KLHL25: variants seen among roughly 807,000 people sequenced by gnomAD.
The protein encoded by KLHL25 is kelch like family member 25.
Under a neutral mutation model 30.0 loss-of-function variants are expected in KLHL25, and 41 were observed. That is an observed-to-expected ratio of 1.37 (90% CI 1.07 to 1.78). The LOEUF (loss-of-function observed/expected upper bound fraction) is 1.78, where lower values mean the gene tolerates loss of function less well. Ranked by LOEUF, KLHL25 falls within the 40% of genes most tolerant of loss-of-function variation. The probability of loss-of-function intolerance (pLI) is 0.00; values close to 1 mark genes in which losing one functional copy is unlikely to be tolerated. For missense variants in KLHL25, 971 were observed against 824.5 expected, an observed-to-expected ratio of 1.18 and a Z score of -2.18; for synonymous variants, 399 against 355.3, an observed-to-expected ratio of 1.12 and a Z score of -1.38.
At chr15:85,765,850 AAAAAAGAAAAAT>A in intron 2 of KLHL25, among the ~76,000 whole-genome samples, 1 of 151,582 alleles carries the variant, frequency 6.6e-6, no homozygotes, top group South Asian at 2.1e-4. Context: ...AAAGAAAAAG[AAAAAAGAAAAAT>A]AAAAGAAAAA....
intron 2 of KLHL25, among the ~76,000 whole-genome samples, chr15:85,766,444 T>C (rs1163652024): frequency 6.6e-6 from 1 of 152,154 alleles, no homozygotes; most frequent in Non-Finnish European, 1.5e-5. Context: ...TTCTCTGGCA[T>C]CTACCCCAGT....
In KLHL25 at chr15:85,773,629, G is replaced by A. The variant is rs2542596; in HGVS notation, c.-10-3809C>T. 8.5e-5 allele frequency among the ~76,000 whole-genome samples: 13 copies of A among 152,056 alleles called. 1 individual carries two copies. The South Asian group carries it at 2.3e-3, about 27-fold the overall frequency. On this transcript the variant is annotated intron_variant, in intron 1 of 2. Coordinates refer to ENST00000337975, the MANE Select transcript of KLHL25 (RefSeq NM_022480.4). ...GGCTGATGAGCTAGTGTCATCCTCC[G>A]AACTGCTGTGATGGGGCCTACACCC...
intron 1 of KLHL25, among the ~76,000 whole-genome samples, chr15:85,785,621 G>A (rs908291347): frequency 1.3e-5 from 2 of 151,442 alleles, no homozygotes. Flanking sequence ...TTCAGACAAA[G>A]CCACCCAGCA....
intron 2 of KLHL25, among the ~76,000 whole-genome samples, chr15:85,764,925 T>C (rs1474570265): frequency 6.6e-6 from 1 of 152,200 alleles, no homozygotes; most frequent in Admixed American, 6.5e-5. Context: ...AGCCAAAAAG[T>C]CACAACCAAG....
At chr15:85,772,775 C>A (rs1349213244) in intron 1 of KLHL25, among the ~76,000 whole-genome samples, 2 of 152,232 alleles carry the variant, frequency 1.3e-5, no homozygotes, top group African/African-American at 4.8e-5. Context: ...CAACAGTGAG[C>A]GGCAACCCAG....
chr15:85,768,026 C>T lies in KLHL25; in HGVS notation c.*15G>A. On this transcript the variant is annotated 3_prime_UTR_variant, in exon 2 of 3. Transcript: ENST00000337975. The stretch of plus-strand genomic sequence containing the variant: ...GCTGCCAGGGACTCACCTGGCTGGG[C>T]TCAGCAGGTGCTCCTCACGCGGGCA... 1 of 1,600,522 alleles carries T rather than the reference C, an allele frequency of 6.2e-7. No individual in the cohort carries two copies. The highest frequency in any genetic ancestry group is 8.5e-7 in the Non-Finnish European group (1 of 1,170,802).
At chr15:85,785,677 C>T (rs2089776361) in intron 1 of KLHL25, among the ~76,000 whole-genome samples, 2 of 151,966 alleles carry the variant, frequency 1.3e-5, no homozygotes. Context: ...TTGCTTTGTA[C>T]AACACAGCAA....
At chr15:85,775,519 C>G (rs951093657) in intron 1 of KLHL25, among the ~76,000 whole-genome samples, 1 of 152,162 alleles carries the variant, frequency 6.6e-6, no homozygotes, top group Non-Finnish European at 1.5e-5. Flanking sequence ...TGAAAACACA[C>G]AGCCGCAAGG....
rs745798999 is a variant in KLHL25, at chr15:85,769,265, G to A, written c.546C>T (p.Ser182=). 6 of 1,613,786 alleles carry A rather than the reference G, an allele frequency of 3.7e-6. No individual in the cohort carries two copies. The highest frequency in any genetic ancestry group is 1.7e-5 in the Admixed American group (1 of 59,998). The change falls in exon 2 of 3, where the codon AGC becomes AGT. Residue 182 remains serine, a synonymous_variant. Coordinates refer to ENST00000337975, the MANE Select transcript of KLHL25 (RefSeq NM_022480.4). ...CCTTGGACAGGCTGTTGAAGTCCTCGCTCTGCCTCACCGTCTCAAAGTGCA... is the reference window on the plus strand; with the variant it reads ...CCTTGGACAGGCTGTTGAAGTCCTCACTCTGCCTCACCGTCTCAAAGTGCA... The part of the protein sequence containing the change: ...CLVHFETVRQ[S]EDFNSLSKDT...
intron 1 of KLHL25, among the ~76,000 whole-genome samples, chr15:85,787,888 A>G (rs950123309): frequency 3.3e-5 from 5 of 152,030 alleles, no homozygotes; most frequent in East Asian, 1.9e-4. Flanking sequence ...ATCTTTTCCT[A>G]TATTTTTCAT....
intron 1 of KLHL25, among the ~76,000 whole-genome samples, chr15:85,794,466 C>A (rs1697510463): frequency 6.6e-6 from 1 of 152,254 alleles, no homozygotes; most frequent in African/African-American, 2.4e-5. Context: ...CAACCACTCC[C>A]TGGGGAAAGA....
intron 1 of KLHL25, among the ~76,000 whole-genome samples, chr15:85,773,580 G>A (rs576385710): frequency 6.6e-6 from 1 of 152,180 alleles, no homozygotes; most frequent in African/African-American, 2.4e-5. Context: ...GGGATCAGGT[G>A]GGGAGTGGAC....
Position 85,769,567 on chromosome 15 carries a change from T to C in KLHL25, c.244A>G (p.Ser82Gly). 6.2e-7 allele frequency: 1 copy of C among 1,613,660 alleles called. No homozygotes were observed. Among genetic ancestry groups the C allele is most frequent in the Non-Finnish European group, 8.5e-7 (1 of 1,180,006 alleles). The change falls in exon 2 of 3, where the codon AGC becomes GGC. Residue 82 changes from serine (S) to glycine (G), a missense_variant. Transcript: ENST00000337975. ...TGGAAGTTGACAGTGTCATCCCGGC[T>C]CTCCCGAAGGCCATGGCTGAACATG... The part of the protein sequence containing the change: ...EAMFSHGLRE[S>G]RDDTVNFQDN...
intron 1 of KLHL25, among the ~76,000 whole-genome samples, chr15:85,772,041 T>A (rs1057319768): frequency 3.3e-5 from 5 of 152,184 alleles, no homozygotes; most frequent in African/African-American, 1.2e-4. Context: ...CTGTGATTGC[T>A]AAACTCTCAC....
intron 1 of KLHL25, among the ~76,000 whole-genome samples, chr15:85,792,210 T>C (rs1229480374): frequency 1.3e-5 from 2 of 152,184 alleles, no homozygotes; most frequent in Non-Finnish European, 2.9e-5. Flanking sequence ...ATGCTGTGAC[T>C]GAAAGCTGTG....
At chr15:85,767,881 G>C (rs2089634909) in intron 2 of KLHL25, 136 bp downstream of exon 2, 1 of 614,992 alleles carries the variant, frequency 1.6e-6, no homozygotes, top group Non-Finnish European at 2.8e-6. Flanking sequence ...TTTGACTCCA[G>C]AGCACACCAG....
At position 85,768,219 on chromosome 15, in the gene KLHL25, CA is replaced by C; in HGVS notation, c.1591del (p.Cys531AlafsTer165). On this transcript the variant is annotated frameshift_variant, in exon 2 of 3. Coordinates refer to ENST00000337975, the MANE Select transcript of KLHL25 (RefSeq NM_022480.4). LOFTEE classifies it high-confidence loss of function. The stretch of plus-strand genomic sequence containing the variant: ...CTTGTTGCCGGAAGCCAGGGCATGG[CA>C]GGACATGCGCTTGGCAGTCATGTCC... ...IGDMTAKRMS[C>X]HALASGNKLY... is the part of the protein sequence containing the mutation. 6.2e-7 allele frequency: 1 copy of C among 1,614,192 alleles called. No individual in the cohort carries two copies.
chr15:85,776,397 G>A (rs535566273), intron 1 of KLHL25, among the ~76,000 whole-genome samples: 134 of 151,670 alleles, frequency 8.8e-4, no homozygotes, highest in African/African-American at 3.1e-3. Context: ...GCTGAGGCAG[G>A]AGAACTGCTC....
chr15:85,792,439 A>C (rs2089823779), intron 1 of KLHL25, among the ~76,000 whole-genome samples: 1 of 152,192 alleles, frequency 6.6e-6, no homozygotes, highest in South Asian at 2.1e-4. Flanking sequence ...AGCTCTGCCC[A>C]CACTGGCCAG....
Sources: gnomAD v4.1 joint callset for allele counts (sites outside exome capture counted in the v4.1 genomes callset) on GRCh38, gnomAD v4.1.1 for gene constraint, MANE v1.5 for transcripts, NCBI Gene and HGNC (gene_info 2026-07-23, HGNC 2026-07-21) for gene names.